Variants in SLC44A1 observed in about 807,000 individuals in gnomAD.
SLC44A1 encodes choline transporter-like protein 1.
SLC44A1 carries 26 observed loss-of-function variants against 79.3 expected under a neutral mutation model. That is an observed-to-expected ratio of 0.33 (90% CI 0.24 to 0.46). The LOEUF (loss-of-function observed/expected upper bound fraction) is 0.46, where lower values mean the gene tolerates loss of function less well. SLC44A1 is among the 20% of genes least tolerant of loss of function. The pLI is 1.00. For missense variants in SLC44A1, 688 were observed against 798.1 expected (o/e 0.86, Z 1.66); for synonymous variants, 263 against 286.2 (o/e 0.92, Z 0.82).
intron 3 of SLC44A1, among the ~76,000 whole-genome samples, chr9:105,317,184 A>T (rs1228156871): frequency 6.6e-6 from 1 of 152,114 alleles, no homozygotes; most frequent in Non-Finnish European, 1.5e-5. Flanking sequence ...TCTATGGCTC[A>T]TGACTCCCAT....
At chr9:105,345,807 T>C (rs1046841824) in intron 4 of SLC44A1, among the ~76,000 whole-genome samples, 9 of 152,126 alleles carry the variant, frequency 5.9e-5, no homozygotes, top group Non-Finnish European at 1.3e-4. Flanking sequence ...ATTTTGGTAG[T>C]CTTTGAGTAA....
rs146255718 is a variant in SLC44A1 at position 105,366,333 on chromosome 9, T to C, written c.1411-13T>C. On this transcript the variant is annotated splice_polypyrimidine_tract_variant and intron_variant, in intron 11 of 15. Transcript: ENST00000374720. ...TTTGGTTTTTTTATTATTTCCATTT[T>C]TCCCCCATCCAGGAAAATGCTTGTG... The C allele has an allele frequency of 2.7e-5, 38 of 1,426,978 alleles. No homozygotes were observed. The East Asian group carries it at 8.9e-4, about 34-fold the overall frequency. 88.4% of individuals were successfully genotyped at this position (1,426,978 alleles called of 1,614,324 possible). A position where few individuals can be genotyped will look rare whatever the true frequency, so the allele number is the denominator to read the frequency against.
downstream of SLC44A1, among the ~76,000 whole-genome samples, chr9:105,401,454 C>G (rs1448973276): frequency 6.6e-6 from 1 of 152,032 alleles, no homozygotes; most frequent in Non-Finnish European, 1.5e-5. Flanking sequence ...AGGAAAGAGT[C>G]CATTTAATAA....
chr9:105,365,027 G>A (rs562682511), intron 10 of SLC44A1, among the ~76,000 whole-genome samples: 1 of 152,240 alleles, frequency 6.6e-6, no homozygotes, highest in Non-Finnish European at 1.5e-5. Flanking sequence ...TTATATAAAA[G>A]TCCATCAAAG....
chr9:105,308,597 A>G (rs1831094268), intron 2 of SLC44A1, among the ~76,000 whole-genome samples: 1 of 152,200 alleles, frequency 6.6e-6, no homozygotes, highest in Non-Finnish European at 1.5e-5. Context: ...TTGGGTAAGT[A>G]TATTTAAAGG....
At chr9:105,342,480 T>G (rs998202772) in intron 4 of SLC44A1, among the ~76,000 whole-genome samples, 1 of 152,126 alleles carries the variant, frequency 6.6e-6, no homozygotes, top group African/African-American at 2.4e-5. Context: ...GAGGGAACTA[T>G]GTACATTGTA....
At chr9:105,298,126 A>G (rs192193173) in intron 1 of SLC44A1, among the ~76,000 whole-genome samples, 2 of 151,758 alleles carry the variant, frequency 1.3e-5, no homozygotes, top group Admixed American at 6.5e-5. Context: ...AAAAAAATGC[A>G]GTTGGAATTC....
chr9:105,431,714 A>G (rs1258220837), intron 15 of SLC44A1, among the ~76,000 whole-genome samples: 1 of 152,232 alleles, frequency 6.6e-6, no homozygotes, highest in Non-Finnish European at 1.5e-5. Flanking sequence ...GGCTAAAATA[A>G]TCTGAAGCCT....
chr9:105,312,479 C>T (rs1466719400), intron 3 of SLC44A1, among the ~76,000 whole-genome samples: 1 of 152,178 alleles, frequency 6.6e-6, no homozygotes, highest in Non-Finnish European at 1.5e-5. Context: ...CTGCCTAGAG[C>T]ATAGTAGGCA....
intron 3 of SLC44A1, among the ~76,000 whole-genome samples, chr9:105,322,886 C>T (rs1826438420): frequency 6.6e-6 from 1 of 151,558 alleles, no homozygotes. Flanking sequence ...GAATATTATA[C>T]TTTGTATAAT....
intron 3 of SLC44A1, among the ~76,000 whole-genome samples, chr9:105,329,742 G>C (rs1407567537): frequency 6.6e-6 from 1 of 152,052 alleles, no homozygotes; most frequent in Non-Finnish European, 1.5e-5. Context: ...CAGATTATTT[G>C]CAGTTCCTTA....
intron 1 of SLC44A1, among the ~76,000 whole-genome samples, chr9:105,252,981 C>T (rs1829624830): frequency 6.6e-6 from 1 of 152,102 alleles, no homozygotes; most frequent in African/African-American, 2.4e-5. Flanking sequence ...CCAGTTTTTC[C>T]CCTCTGGGGG....
chr9:105,408,216 A>C (rs781248155), intron 15 of SLC44A1, among the ~76,000 whole-genome samples: 3 of 152,142 alleles, frequency 2.0e-5, no homozygotes, highest in Non-Finnish European at 4.4e-5. Flanking sequence ...ATACAAACAA[A>C]AGTTGAGGAA....
intron 5 of SLC44A1, among the ~76,000 whole-genome samples, chr9:105,353,331 A>T (rs76936926): frequency 0.017 from 2,587 of 152,298 alleles, 67 homozygotes; most frequent in African/African-American, 0.059. Context: ...CAGGGCAGAT[A>T]TTACCCAGCA....
At chr9:105,343,829 A>G (rs1827171785) in intron 4 of SLC44A1, among the ~76,000 whole-genome samples, 1 of 152,198 alleles carries the variant, frequency 6.6e-6, no homozygotes, top group African/African-American at 2.4e-5. Flanking sequence ...AACACCTAGT[A>G]GAAGTCTTGT....
chr9:105,304,948 T>G (rs1397197354), intron 2 of SLC44A1, among the ~76,000 whole-genome samples: 1 of 66,000 alleles, frequency 1.5e-5, no homozygotes, highest in Non-Finnish European at 2.7e-5. Flanking sequence ...TCTATCGTTT[T>G]TTTTTTTTTT....
At chr9:105,430,156 G>A (rs368070143) in intron 15 of SLC44A1, among the ~76,000 whole-genome samples, 3 of 152,080 alleles carry the variant, frequency 2.0e-5, no homozygotes, top group Non-Finnish European at 2.9e-5. Flanking sequence ...TGGCTTCCCC[G>A]TGCCTGAATT....
At chr9:105,433,828 A>G (rs1295068900) in intron 15 of SLC44A1, among the ~76,000 whole-genome samples, 2 of 151,580 alleles carry the variant, frequency 1.3e-5, no homozygotes, top group African/African-American at 4.9e-5. Context: ...TTTCAATGAC[A>G]AGATCTACCC....
At chr9:105,298,135 T>C (rs1323345284) in intron 1 of SLC44A1, among the ~76,000 whole-genome samples, 1 of 152,034 alleles carries the variant, frequency 6.6e-6, no homozygotes, top group Non-Finnish European at 1.5e-5. Context: ...CAGTTGGAAT[T>C]CCAGTCAATA....
Sources: gnomAD v4.1 joint callset for allele counts (sites outside exome capture counted in the v4.1 genomes callset) on GRCh38, gnomAD v4.1.1 for gene constraint, MANE v1.5 for transcripts, NCBI Gene and HGNC (gene_info 2026-07-23, HGNC 2026-07-21) for gene names.